Variants in TOM1 observed in about 807,000 individuals in gnomAD.
TOM1 encodes target of Myb protein 1.
Under a neutral mutation model 61.3 loss-of-function variants are expected in TOM1, and 38 were observed. That is an observed-to-expected ratio of 0.62 (90% confidence interval 0.48 to 0.81). TOM1 has a LOEUF of 0.81. Among genes scored for constraint, TOM1 ranks in the 40% least tolerant of loss-of-function variants. The pLI is 0.00. For missense variants in TOM1, 591 were observed against 659.6 expected, an observed-to-expected ratio of 0.90 and a Z score of 1.14; for synonymous variants, 270 against 268.8, an observed-to-expected ratio of 1.00 and a Z score of -0.04.
chr22:35,347,140 T>G lies in TOM1; in HGVS notation c.1410T>G (p.Gly470=), dbSNP rs746563723. 35 of 1,612,670 alleles carry G rather than the reference T, an allele frequency of 2.2e-5. No individual in the cohort carries two copies. The highest frequency in any genetic ancestry group is 2.9e-5 in the Non-Finnish European group (34 of 1,179,462). ...LSSPSAEGPP[G]PPSGPAPRKK... Reference sequence around the variant, plus strand: ...GCCCCTCAGCTGAGGGGCCCCCGGGTCCCCCATCTGGCCCAGCGCCCCGGA... The same window carrying G: ...GCCCCTCAGCTGAGGGGCCCCCGGGGCCCCCATCTGGCCCAGCGCCCCGGA... Residue 470 remains glycine (G), a synonymous_variant, in exon 15 of 15, where the codon GGT becomes GGG. Coordinates refer to ENST00000449058, the MANE Select transcript of TOM1 (RefSeq NM_005488.3).
At chr22:35,311,243 G>A (rs3788509) in intron 1 of TOM1, 73,622 of 152,060 alleles carry the variant, frequency 0.48, 20,684 homozygotes, top group African/African-American at 0.79. Flanking sequence ...GAGCAGTCCC[G>A]TGGGAAGGCC....
At position 35,323,359 on chromosome 22, in the gene TOM1, T is replaced by C. The variant is rs189410945; in HGVS notation, c.367-137T>C. 1,591 of 1,370,804 alleles carry C rather than the reference T, an allele frequency of 1.2e-3. 1 individual carries two copies. The highest frequency in any genetic ancestry group is 1.5e-3 in the Non-Finnish European group (1,470 of 1,004,962). The allele number at this position is 1,370,804 out of a possible 1,614,324, so 84.9% of individuals were successfully genotyped here. On this transcript the variant is annotated intron_variant, in intron 4 of 14. Coordinates refer to ENST00000449058, the MANE Select transcript of TOM1 (RefSeq NM_005488.3). This position sits in a 1 kb window ranked among gnomAD's most constrained non-coding sequence, Gnocchi z 4.2. ...GAGGCTTGCCAACTGCGTGCTTTGCTGTGGAGTGGGCAGGGCAGATGTAGT... is the reference window on the plus strand; with the variant it reads ...GAGGCTTGCCAACTGCGTGCTTTGCCGTGGAGTGGGCAGGGCAGATGTAGT...
Position 35,327,260 on chromosome 22 carries a change from G to A in TOM1, c.649-11G>A, listed in dbSNP as rs1928409969. The A allele has an allele frequency of 1.2e-6, 2 of 1,612,388 alleles. No homozygotes were observed. The highest frequency in any genetic ancestry group is 1.3e-5 in the African/African-American group (1 of 74,866). ...CTGGCTTCTCTCACCACGATCAACT[G>A]TGTGTTTCAGATTGGGAAGCTGCGC... On this transcript the variant is annotated splice_polypyrimidine_tract_variant and intron_variant, in intron 6 of 14. Coordinates refer to ENST00000449058, the MANE Select transcript of TOM1 (RefSeq NM_005488.3).
chr22:35,327,179 A>G, intron 6 of TOM1, 92 bp from the exon 7 acceptor site: 1 of 1,246,650 alleles, frequency 8.0e-7, no homozygotes, highest in Non-Finnish European at 1.2e-6. Context: ...CTGGTGCTGC[A>G]CCCAGGGTTG....
At chr22:35,321,381 TCTCA>T (rs1211484485) in intron 2 of TOM1, among the ~76,000 whole-genome samples, 1 of 151,080 alleles carries the variant, frequency 6.6e-6, no homozygotes, top group Non-Finnish European at 1.5e-5. Flanking sequence ...TGAGACAGGG[TCTCA>T]CTCTGTCGCC....
chr22:35,334,570 C>T lies in TOM1; in HGVS notation c.1148+122C>T, dbSNP rs922063805. The T allele has an allele frequency of 8.2e-6, 10 of 1,214,282 alleles. No homozygotes were observed. In the African/African-American group the frequency reaches 1.5e-4, roughly 18 times the overall value. The allele number at this position is 1,214,282 out of a possible 1,614,324, so 75.2% of individuals were successfully genotyped here. On this transcript the variant is annotated intron_variant, in intron 11 of 14. Transcript: ENST00000449058. ...ACGGACCCTGCTTAGTAAGCACGCC[C>T]TTAGTATCCCCTAAGTCAGTCCAGC... is the stretch of plus-strand genomic sequence containing the variant.
chr22:35,329,383 A>C (rs1425170033), intron 7 of TOM1, among the ~76,000 whole-genome samples: 18 of 152,260 alleles, frequency 1.2e-4, no homozygotes, highest in Admixed American at 1.2e-3. Context: ...GTGAAACCTG[A>C]ATAAAGTCCG....
rs576831561 is a variant in TOM1 at position 35,342,513 on chromosome 22, C to T, written c.1225-3212C>T. Among the ~76,000 whole-genome samples the T allele has an allele frequency of 3.3e-5, 5 of 152,078 alleles. No homozygotes were observed. In the East Asian group the frequency reaches 9.6e-4, roughly 29 times the overall value. On this transcript the variant is annotated intron_variant, in intron 12 of 14. Coordinates refer to ENST00000449058, the MANE Select transcript of TOM1 (RefSeq NM_005488.3). Reference sequence around the variant, plus strand: ...GGGAGCCCCCAGACCATCTGACAGCCGCCTGCCCTGCTATCCTGGGGTTGC... The same window carrying T: ...GGGAGCCCCCAGACCATCTGACAGCTGCCTGCCCTGCTATCCTGGGGTTGC...
chr22:35,304,067 G>C (rs1926093684), intron 1 of TOM1, among the ~76,000 whole-genome samples: 1 of 152,206 alleles, frequency 6.6e-6, no homozygotes, highest in Non-Finnish European at 1.5e-5. Context: ...TGGTGACCCT[G>C]TGCGGTTTTG....
chr22:35,340,469 G>A (rs1450304164), intron 12 of TOM1, among the ~76,000 whole-genome samples: 1 of 152,054 alleles, frequency 6.6e-6, no homozygotes, highest in Non-Finnish European at 1.5e-5. Context: ...AGGGAGGGCC[G>A]GGCACAGTGG....
At chr22:35,309,351 G>A (rs949706119) in intron 1 of TOM1, among the ~76,000 whole-genome samples, 1 of 151,942 alleles carries the variant, frequency 6.6e-6, no homozygotes, top group African/African-American at 2.4e-5. Context: ...TTCCCCCTTA[G>A]AACTGAAAGA....
At position 35,323,131 on chromosome 22, in the gene TOM1, A is replaced by G. The variant is rs1319571648; in HGVS notation, c.320A>G (p.Asn107Ser). The G allele has an allele frequency of 6.2e-6, 10 of 1,614,010 alleles. No homozygotes were observed. The highest frequency in any genetic ancestry group is 7.6e-6 in the Non-Finnish European group (9 of 1,180,046). Residue 107 changes from asparagine (N) to serine (S), a missense_variant, in exon 4 of 15, where the codon AAC becomes AGC. Asn to Ser is a conservative substitution (Grantham distance 46, BLOSUM62 1). Transcript: ENST00000449058. This position sits in a 1 kb window ranked among gnomAD's most constrained non-coding sequence, Gnocchi z 4.2. ...CTGGTGAGGACCATCCTGCCCAAGA[A>G]CAACCCACCCACCATCGTGCATGAC... Reference protein sequence around the residue: ...SVLVRTILPKNNPPTIVHDKV... With the variant: ...SVLVRTILPKSNPPTIVHDKV...
intron 12 of TOM1, among the ~76,000 whole-genome samples, chr22:35,342,726 ACAC>A (rs1409385836): frequency 6.6e-6 from 1 of 151,188 alleles, no homozygotes; most frequent in Non-Finnish European, 1.5e-5. Context: ...ACACCTCCAC[ACAC>A]CACACCTCCA....
At chr22:35,342,631 A>G (rs1929960933) in intron 12 of TOM1, among the ~76,000 whole-genome samples, 1 of 151,852 alleles carries the variant, frequency 6.6e-6, no homozygotes, top group Non-Finnish European at 1.5e-5. Flanking sequence ...GGGCGCTGGC[A>G]TCCCAGAGCT....
In TOM1 at chr22:35,317,206, G is replaced by T. The variant is rs117019401; in HGVS notation, c.53-671G>T. Reference sequence around the variant, plus strand: ...TTCTTTTTTGCTTGTTTGTTTGTTTGTTTTGGAGATGGAGTTTCGCTCTCG... The same window carrying T: ...TTCTTTTTTGCTTGTTTGTTTGTTTTTTTTGGAGATGGAGTTTCGCTCTCG... On this transcript the variant is annotated intron_variant, in intron 1 of 14. Transcript: ENST00000449058. 2.0e-3 allele frequency among the ~76,000 whole-genome samples: 305 copies of T among 152,218 alleles called. 12 individuals carry two copies. The East Asian group carries it at 0.05, about 25-fold the overall frequency.
rs772946063 is a variant in TOM1 at position 35,323,047 on chromosome 22, A to G, written c.236A>G (p.Lys79Arg). ...LALTVLETCV[K>R]NCGHRFHVLV... ...CTCCAGGTCTTAGAAACCTGTGTCA[A>G]GAACTGCGGGCACCGCTTCCACGTG... Residue 79 changes from lysine to arginine, a missense_variant, in exon 4 of 15, where the codon AAG (lysine) becomes AGG (arginine). Physicochemically the swap from Lys to Arg is conservative, Grantham distance 26 (BLOSUM62 2). Transcript: ENST00000449058. The surrounding 1 kb of genome is among the most constrained non-coding windows in gnomAD (Gnocchi z 4.2). The G allele has an allele frequency of 1.9e-6, 3 of 1,614,126 alleles. No homozygotes were observed. The highest frequency in any genetic ancestry group is 3.3e-5 in the Admixed American group (2 of 60,024).
At chr22:35,334,218 A>C in intron 10 of TOM1, 110 bp from the exon 11 acceptor site, 1 of 1,450,814 alleles carries the variant, frequency 6.9e-7, no homozygotes, top group African/African-American at 1.4e-5. Flanking sequence ...CCCCACCCAC[A>C]CGTGCCACTT....
In TOM1 at chr22:35,334,202, G is replaced by A. The variant is rs997848515; in HGVS notation, c.1028-126G>A. The A allele has an allele frequency of 4.1e-5, 55 of 1,337,856 alleles. 1 individual carries two copies. Among genetic ancestry groups the A allele is most frequent in the Middle Eastern group, 4.5e-4 (2 of 4,400 alleles). 82.9% of individuals were successfully genotyped at this position (1,337,856 alleles called of 1,614,324 possible). A position where few individuals can be genotyped will look rare whatever the true frequency, so the allele number is the denominator to read the frequency against. On this transcript the variant is annotated intron_variant, in intron 10 of 14. Transcript: ENST00000449058. Reference sequence around the variant, plus strand: ...GCCAGCAGCAGGTGGCCTGCCTCGCGCATTCCCCCACCCACACGTGCCACT... The same window carrying A: ...GCCAGCAGCAGGTGGCCTGCCTCGCACATTCCCCCACCCACACGTGCCACT...
intron 6 of TOM1, among the ~76,000 whole-genome samples, chr22:35,324,464 G>A (rs1299387727): frequency 9.4e-5 from 14 of 148,164 alleles, no homozygotes; most frequent in Admixed American, 8.7e-4. Context: ...GGTTCTGCCT[G>A]AAAAGTTTTC....
Sources: gnomAD v4.1 joint callset for allele counts (sites outside exome capture counted in the v4.1 genomes callset) on GRCh38, gnomAD v4.1.1 for gene constraint, Gnocchi (gnomAD v3.1) non-coding constraint, MANE v1.5 for transcripts, NCBI Gene and HGNC (gene_info 2026-07-23, HGNC 2026-07-21) for gene names.